Variants in NRG1 observed in about 807,000 individuals in gnomAD.
NRG1 encodes neuregulin 1.
A neutral mutation model predicts 63.8 loss-of-function variants in NRG1; 18 were observed. That is an observed-to-expected ratio of 0.28 (90% CI 0.19 to 0.42). NRG1 has a LOEUF of 0.42. Among genes scored for constraint, NRG1 ranks in the 10% least tolerant of loss-of-function variants. The pLI is 1.00. For synonymous variants in NRG1, 302 were observed against 301.3 expected (o/e 1.00, Z -0.02); for missense variants, 762 against 814.7 (o/e 0.94, Z 0.79).
chr8:31,817,859 T>G (rs1823606585), intron 1 of NRG1, among the ~76,000 whole-genome samples: 1 of 152,240 alleles, frequency 6.6e-6, no homozygotes, highest in African/African-American at 2.4e-5. Flanking sequence ...AGAGAACTTT[T>G]GAATTATACC....
chr8:32,455,099 A>G (rs781024526), intron 1 of NRG1, among the ~76,000 whole-genome samples: 6 of 152,254 alleles, frequency 3.9e-5, no homozygotes, highest in Middle Eastern at 3.4e-3. Context: ...CAGTGATGAA[A>G]TTGCCTACTG....
intron 1 of NRG1, among the ~76,000 whole-genome samples, chr8:32,095,526 GCAAA>G (rs1829788499): frequency 6.6e-6 from 1 of 152,138 alleles, no homozygotes; most frequent in South Asian, 2.1e-4. Context: ...ATGACACATA[GCAAA>G]CATTTATAGA....
At chr8:32,461,434 C>T (rs1252783797) in intron 1 of NRG1, among the ~76,000 whole-genome samples, 3 of 152,298 alleles carry the variant, frequency 2.0e-5, no homozygotes, top group Admixed American at 6.5e-5. Flanking sequence ...CGCGGTGGCT[C>T]ATGCCTGTAA....
intron 1 of NRG1, among the ~76,000 whole-genome samples, chr8:31,731,910 G>A (rs908844523): frequency 6.6e-6 from 1 of 152,246 alleles, no homozygotes; most frequent in South Asian, 2.1e-4. Context: ...GTCTTACTCT[G>A]GGATGATGAT....
chr8:31,887,368 A>G (rs959086592), intron 1 of NRG1, among the ~76,000 whole-genome samples: 20 of 152,170 alleles, frequency 1.3e-4, no homozygotes, highest in African/African-American at 4.6e-4. Flanking sequence ...CCTGTATAAT[A>G]CATCAATAAG....
chr8:32,351,836 G>A (rs930123896), intron 1 of NRG1, among the ~76,000 whole-genome samples: 6 of 152,128 alleles, frequency 3.9e-5, no homozygotes, highest in African/African-American at 1.4e-4. Context: ...GTGTGTCAGG[G>A]GCACTGGCCT....
chr8:32,368,430 A>G (rs1808372819), intron 1 of NRG1, among the ~76,000 whole-genome samples: 1 of 152,054 alleles, frequency 6.6e-6, no homozygotes, highest in African/African-American at 2.4e-5. Context: ...TTAGGCAAGA[A>G]TAGTGGTGTG....
intron 1 of NRG1, among the ~76,000 whole-genome samples, chr8:32,197,098 T>C (rs1449412887): frequency 4.0e-5 from 6 of 151,550 alleles, no homozygotes; most frequent in Non-Finnish European, 5.9e-5. Flanking sequence ...TAGCTGGAAT[T>C]ACAGGCGCCC....
chr8:31,978,409 C>T (rs1306786429), intron 1 of NRG1, among the ~76,000 whole-genome samples: 1 of 152,090 alleles, frequency 6.6e-6, no homozygotes, highest in African/African-American at 2.4e-5. Flanking sequence ...TTCTTGTTCT[C>T]ACAATGCAGA....
chr8:32,341,125 G>C (rs1440385907), intron 1 of NRG1, among the ~76,000 whole-genome samples: 1 of 152,108 alleles, frequency 6.6e-6, no homozygotes, highest in Non-Finnish European at 1.5e-5. Context: ...AAATCCAACA[G>C]GATAGGTCTA....
chr8:32,239,870 C>T (rs969967491), intron 1 of NRG1, among the ~76,000 whole-genome samples: 1 of 152,128 alleles, frequency 6.6e-6, no homozygotes, highest in Admixed American at 6.5e-5. Context: ...CACTATCTAC[C>T]TATCAGGATG....
intron 1 of NRG1, among the ~76,000 whole-genome samples, chr8:31,869,107 A>T (rs1195112291): frequency 6.6e-6 from 1 of 152,210 alleles, no homozygotes; most frequent in Non-Finnish European, 1.5e-5. Context: ...TAAGGCTGGG[A>T]TAGAGGTTAA....
chr8:32,412,048 A>G (rs1247370843), intron 1 of NRG1, among the ~76,000 whole-genome samples: 1 of 152,124 alleles, frequency 6.6e-6, no homozygotes, highest in Admixed American at 6.5e-5. Context: ...GTAGATTGAG[A>G]AAAGCAGATT....
chr8:32,770,789 A>C (rs1338767218), downstream of NRG1, among the ~76,000 whole-genome samples: 1 of 152,196 alleles, frequency 6.6e-6, no homozygotes, highest in East Asian at 1.9e-4. Flanking sequence ...TTCCTGATTT[A>C]CAAGACCGTG....
intron 1 of NRG1, among the ~76,000 whole-genome samples, chr8:31,662,442 A>C (rs1222874965): frequency 6.6e-6 from 1 of 152,228 alleles, no homozygotes; most frequent in Non-Finnish European, 1.5e-5. Flanking sequence ...ATTATTTTAA[A>C]AAGATGAAGA....
chr8:32,481,805 A>T (rs1825322220), intron 1 of NRG1, among the ~76,000 whole-genome samples: 1 of 152,164 alleles, frequency 6.6e-6, no homozygotes, highest in Non-Finnish European at 1.5e-5. Flanking sequence ...TAAAGAATGG[A>T]TTGGATTAGG....
At chr8:32,266,821 G>T (rs986212782) in intron 1 of NRG1, among the ~76,000 whole-genome samples, 1 of 150,198 alleles carries the variant, frequency 6.7e-6, no homozygotes, top group African/African-American at 2.5e-5. Context: ...GGATCATGAG[G>T]TCAGGAGATC....
At chr8:31,973,264 T>C (rs1459980281) in intron 1 of NRG1, among the ~76,000 whole-genome samples, 1 of 152,230 alleles carries the variant, frequency 6.6e-6, no homozygotes, top group African/African-American at 2.4e-5. Flanking sequence ...TTTTAAAAGA[T>C]GAGATCATAA....
chr8:32,192,960 G>A (rs911686329), intron 1 of NRG1, among the ~76,000 whole-genome samples: 2 of 151,692 alleles, frequency 1.3e-5, no homozygotes, highest in African/African-American at 2.4e-5. Flanking sequence ...TAACAAGAAC[G>A]TAAGCTCAAC....
Sources: gnomAD v4.1 joint callset for allele counts (sites outside exome capture counted in the v4.1 genomes callset) on GRCh38, gnomAD v4.1.1 for gene constraint, MANE v1.5 for transcripts, NCBI Gene and HGNC (gene_info 2026-07-23, HGNC 2026-07-21) for gene names.